The following FER1L6 variants were observed in gnomAD, a reference collection of about 807,000 sequenced individuals.
FER1L6 encodes the protein fer-1 like family member 6.
Under a neutral mutation model 219.2 loss-of-function variants are expected in FER1L6, and 177 were observed. That is an observed-to-expected ratio of 0.81 (90% CI 0.71 to 0.91). The LOEUF (loss-of-function observed/expected upper bound fraction) is 0.91. Among genes scored for constraint, FER1L6 ranks in the 40% least tolerant of loss-of-function variants. The probability of loss-of-function intolerance (pLI) is 0.00; values close to 1 mark genes in which losing one functional copy is unlikely to be tolerated. For missense variants in FER1L6, 2,153 were observed against 2,259.9 expected (o/e 0.95, Z 0.96); for synonymous variants, 768 against 824.3 (o/e 0.93, Z 1.17).
intron 12 of FER1L6, among the ~76,000 whole-genome samples, chr8:124,002,256 T>G (rs925804298): frequency 3.9e-5 from 6 of 152,174 alleles, no homozygotes; most frequent in African/African-American, 1.4e-4. Flanking sequence ...ATCTGGGGTT[T>G]GGGGGCTCCT....
chr8:123,886,175 G>A (rs1817197787), intron 1 of FER1L6, among the ~76,000 whole-genome samples: 2 of 152,098 alleles, frequency 1.3e-5, no homozygotes, highest in African/African-American at 4.8e-5. Flanking sequence ...TGTCTTTGAG[G>A]CCAAGAATTA....
At chr8:124,040,054 C>T in intron 20 of FER1L6, 48 bp downstream of exon 20, 3 of 1,611,484 alleles carry the variant, frequency 1.9e-6, no homozygotes, top group Non-Finnish European at 2.5e-6. Context: ...CAGCCTGCAA[C>T]TGACCCACAG....
intron 19 of FER1L6, among the ~76,000 whole-genome samples, chr8:124,038,384 A>G (rs1819313224): frequency 1.3e-5 from 2 of 152,212 alleles, no homozygotes; most frequent in South Asian, 4.1e-4. Flanking sequence ...CTCACTAAGC[A>G]CTTAGATTCT....
At chr8:124,090,122 A>G (rs138089282) in intron 33 of FER1L6, among the ~76,000 whole-genome samples, 1 of 152,328 alleles carries the variant, frequency 6.6e-6, no homozygotes, top group African/African-American at 2.4e-5. Context: ...TTTAATACAT[A>G]TGTCACAATG....
At chr8:123,890,112 A>G (rs75602462) in intron 1 of FER1L6, among the ~76,000 whole-genome samples, 4,093 of 152,256 alleles carry the variant, frequency 0.027, 177 homozygotes, top group African/African-American at 0.093. Context: ...CAGATTTAAC[A>G]TGGAGTCAAA....
intron 18 of FER1L6, among the ~76,000 whole-genome samples, chr8:124,024,775 T>A (rs1818630744): frequency 6.6e-6 from 1 of 152,228 alleles, no homozygotes; most frequent in African/African-American, 2.4e-5. Flanking sequence ...CTTTGAGAAA[T>A]CTCCATACTG....
chr8:123,970,982 T>C (rs140927417), intron 6 of FER1L6, among the ~76,000 whole-genome samples: 60 of 152,270 alleles, frequency 3.9e-4, no homozygotes, highest in African/African-American at 1.4e-3. Flanking sequence ...AGTAAGTTTC[T>C]CTCTTCCAAA....
intron 12 of FER1L6, among the ~76,000 whole-genome samples, chr8:123,997,422 C>G (rs868322425): frequency 6.6e-6 from 1 of 152,082 alleles, no homozygotes; most frequent in African/African-American, 2.4e-5. Context: ...TTTCTTTTCT[C>G]TTGCTGCTTT....
chr8:124,011,860 T>C (rs962395224), intron 14 of FER1L6, among the ~76,000 whole-genome samples: 3 of 152,222 alleles, frequency 2.0e-5, no homozygotes, highest in Admixed American at 6.5e-5. Flanking sequence ...TCAATAACTA[T>C]TTGCCACTGT....
chr8:124,006,727 C>A (rs1019207161), intron 13 of FER1L6, among the ~76,000 whole-genome samples: 5 of 152,162 alleles, frequency 3.3e-5, no homozygotes, highest in African/African-American at 1.2e-4. Flanking sequence ...GGTCCTGTAT[C>A]GGGACAGCCA....
chr8:123,939,163 G>A (rs1481902035), intron 1 of FER1L6: 15 of 985,258 alleles, frequency 1.5e-5, no homozygotes. Context: ...ATTGTGACCT[G>A]TGAAAAACCA....
At chr8:123,910,081 C>G (rs2129765950) in intron 1 of FER1L6, among the ~76,000 whole-genome samples, 2 of 152,270 alleles carry the variant, frequency 1.3e-5, no homozygotes, top group Middle Eastern at 6.8e-3. Context: ...CAGCCCTTTC[C>G]AAGTAAAGTG....
chr8:124,082,217 A>C, intron 32 of FER1L6, 71 bp from the exon 33 acceptor site: 1 of 1,275,424 alleles, frequency 7.8e-7, no homozygotes, highest in Non-Finnish European at 1.1e-6. Context: ...GCTAGCTAAA[A>C]GTGAAGCTGG....
rs768527645 is a variant in FER1L6 at position 124,082,386 on chromosome 8, C to T, written c.4319C>T (p.Thr1440Ile). The T allele has an allele frequency of 8.7e-6, 14 of 1,613,986 alleles. No individual in the cohort carries two copies. In the Admixed American group the frequency reaches 1.2e-4, roughly 13 times the overall value. ...MIGTDDLIGE[T>I]KIDLENRFYS... ...GGCACAGATGACCTTATTGGTGAGA[C>T]CAAGATCGACCTGGAGAACCGCTTC... Residue 1440 changes from threonine to isoleucine, a missense_variant, in exon 33 of 41, where the codon ACC (threonine) becomes ATC (isoleucine). By Grantham distance (89) the Thr-to-Ile change is moderately conservative. Coordinates refer to ENST00000522917, the MANE Select transcript of FER1L6 (RefSeq NM_001039112.2).
chr8:124,106,396 A>G (rs1822778860), intron 39 of FER1L6, among the ~76,000 whole-genome samples: 1 of 148,548 alleles, frequency 6.7e-6, no homozygotes, highest in South Asian at 2.1e-4. Context: ...ATTATATCTC[A>G]ATTGTTTAAA....
At chr8:124,118,547 G>A (rs1823342713) in intron 39 of FER1L6, among the ~76,000 whole-genome samples, 1 of 152,136 alleles carries the variant, frequency 6.6e-6, no homozygotes, top group African/African-American at 2.4e-5. Context: ...TATTTTTTCA[G>A]ATGTCAAGTG....
chr8:123,887,224 C>T (rs1013818910), intron 1 of FER1L6, among the ~76,000 whole-genome samples: 10 of 152,152 alleles, frequency 6.6e-5, no homozygotes, highest in Non-Finnish European at 8.8e-5. Context: ...GCTGCAGCAC[C>T]CAGTAAAGCC....
chr8:123,884,004 AT>A (rs1286929290), intron 1 of FER1L6, among the ~76,000 whole-genome samples: 2 of 152,098 alleles, frequency 1.3e-5, no homozygotes, highest in Non-Finnish European at 2.9e-5. Flanking sequence ...GTTTTTTCAT[AT>A]TTTTTAAGTG....
At chr8:124,074,700 C>T (rs1180160427) in intron 31 of FER1L6, among the ~76,000 whole-genome samples, 9 of 149,730 alleles carry the variant, frequency 6.0e-5, no homozygotes, top group Non-Finnish European at 1.3e-4. Flanking sequence ...TATCTTTTAA[C>T]GAAGGGAATA....
Sources: gnomAD v4.1 joint callset for allele counts (sites outside exome capture counted in the v4.1 genomes callset) on GRCh38, gnomAD v4.1.1 for gene constraint, MANE v1.5 for transcripts, NCBI Gene and HGNC (gene_info 2026-07-23, HGNC 2026-07-21) for gene names.